Variants in ERGIC1 observed in about 807,000 individuals in gnomAD.
ERGIC1 encodes endoplasmic reticulum-Golgi intermediate compartment protein 1.
ERGIC1 carries 19 observed loss-of-function variants against 38.3 expected under a neutral mutation model. That is an observed-to-expected ratio of 0.50 (90% CI 0.35 to 0.73). ERGIC1 has a LOEUF of 0.73. Ranked by LOEUF, ERGIC1 falls within the 30% of genes least tolerant of loss-of-function variation. The pLI is 0.01. For synonymous variants in ERGIC1, 124 were observed against 157.6 expected, an observed-to-expected ratio of 0.79 and a Z score of 1.60; for missense variants, 294 against 389.2, an observed-to-expected ratio of 0.76 and a Z score of 2.06.
At chr5:172,939,510 G>A (rs1316060999) in intron 9 of ERGIC1, among the ~76,000 whole-genome samples, 2 of 152,246 alleles carry the variant, frequency 1.3e-5, no homozygotes, top group African/African-American at 2.4e-5. Context: ...GCTCCAAGAA[G>A]CCACGGGGAA....
intron 1 of ERGIC1, among the ~76,000 whole-genome samples, chr5:172,879,304 T>C (rs1346644135): frequency 2.0e-5 from 3 of 152,254 alleles, no homozygotes; most frequent in African/African-American, 7.2e-5. Flanking sequence ...GGGGTTGGGC[T>C]CTGCAGCCAT....
chr5:172,938,113 G>A (rs1440934524), intron 9 of ERGIC1: 1 of 152,210 alleles, frequency 6.6e-6, no homozygotes, highest in Non-Finnish European at 1.5e-5. Flanking sequence ...GCTACCCTGA[G>A]GGGAGATGCA....
rs144042194 is a variant in ERGIC1, at chr5:172,921,267, G to A, written c.376-2738G>A. Among the ~76,000 whole-genome samples, 496 of 152,122 alleles carry A rather than the reference G, an allele frequency of 3.3e-3. 4 individuals are homozygous for A. Among genetic ancestry groups the A allele is most frequent in the African/African-American group, 0.011 (477 of 41,492 alleles). On this transcript the variant is annotated intron_variant, in intron 5 of 9. Transcript: ENST00000393784. ...GCCAAGTGTAGAACTCAGAGCAACC[G>A]CTCTACTATGGGTTATTGGGTCCCT...
intron 9 of ERGIC1, among the ~76,000 whole-genome samples, chr5:172,939,144 A>G (rs1207947458): frequency 6.6e-6 from 1 of 152,212 alleles, no homozygotes; most frequent in African/African-American, 2.4e-5. Flanking sequence ...CATTTGCTAG[A>G]ATTCACTATG....
rs1761060774 is a variant in ERGIC1, at chr5:172,837,322, A to G, written c.20+2889A>G. Among the ~76,000 whole-genome samples, 1 of 152,224 alleles carries G rather than the reference A, an allele frequency of 6.6e-6. No individual in the cohort carries two copies. The highest frequency in any genetic ancestry group is 1.5e-5 in the Non-Finnish European group (1 of 68,034). On this transcript the variant is annotated intron_variant, in intron 1 of 9. Coordinates refer to ENST00000393784, the MANE Select transcript of ERGIC1 (RefSeq NM_001031711.3). This position sits in a 1 kb window ranked among gnomAD's most constrained non-coding sequence, Gnocchi z 4.3. ...AGTTGAGGGATGAGGCAGTGCGGAA[A>G]GCATTTAGACACAGAGTAAGCGCCT... is the stretch of plus-strand genomic sequence containing the variant.
intron 1 of ERGIC1, among the ~76,000 whole-genome samples, chr5:172,866,105 A>G (rs1761854582): frequency 6.6e-6 from 1 of 152,138 alleles, no homozygotes; most frequent in African/African-American, 2.4e-5. Context: ...CTTATTTGGT[A>G]TTGCCGAGTC....
chr5:172,900,184 T>G (rs924651175), intron 3 of ERGIC1, among the ~76,000 whole-genome samples: 5 of 151,926 alleles, frequency 3.3e-5, no homozygotes, highest in Non-Finnish European at 4.4e-5. Context: ...CTCGAGCAGG[T>G]GGGGCCCCAC....
At position 172,877,440 on chromosome 5, in the gene ERGIC1, GTA is replaced by G. The variant is rs1278756445; in HGVS notation, c.21-11241_21-11240del. ...TGTGTGTGTGTGTGTGTGTGTGTGT[GTA>G]TATATATATATATATATTTTTTTTT... On this transcript the variant is annotated intron_variant, in intron 1 of 9. Coordinates refer to ENST00000393784, the MANE Select transcript of ERGIC1 (RefSeq NM_001031711.3). Among the ~76,000 whole-genome samples, 165 of 67,374 alleles carry G rather than the reference GTA, an allele frequency of 2.4e-3. 3 individuals carry two copies. Among genetic ancestry groups the G allele is most frequent in the Middle Eastern group, 0.02 (2 of 102 alleles). The allele number at this position is 67,374 out of a possible 152,430, so 44.2% of individuals were successfully genotyped here. A position where few individuals can be genotyped will look rare whatever the true frequency, so the allele number is the denominator to read the frequency against.
rs1255330131 is a variant in ERGIC1 at position 172,951,860 on chromosome 5, G to A, written c.*1044G>A. On this transcript the variant is annotated 3_prime_UTR_variant, in exon 10 of 10. Transcript: ENST00000393784. The stretch of plus-strand genomic sequence containing the variant: ...GCAGGCCAGGCCTGTCCTGTCCGTG[G>A]ACCTCTACCTTCTGGACTCCCTACG... 6.6e-6 allele frequency: 1 copy of A among 152,300 alleles called. No homozygotes were observed. Among genetic ancestry groups the A allele is most frequent in the Non-Finnish European group, 1.5e-5 (1 of 68,108 alleles). The allele number at this position is 152,300 out of a possible 1,614,324, so 9.4% of individuals were successfully genotyped here.
At chr5:172,915,754 TC>T in intron 5 of ERGIC1, 1 of 408,958 alleles carries the variant, frequency 2.4e-6, no homozygotes, top group South Asian at 1.8e-5. Context: ...TATCTGCATG[TC>T]CCACAACTCC....
At chr5:172,949,108 A>G (rs1256973628) in intron 9 of ERGIC1, among the ~76,000 whole-genome samples, 2 of 152,206 alleles carry the variant, frequency 1.3e-5, no homozygotes, top group Non-Finnish European at 2.9e-5. Context: ...TCCATCATCC[A>G]TGCTTTGATT....
intron 1 of ERGIC1, among the ~76,000 whole-genome samples, chr5:172,850,159 G>T (rs1467731364): frequency 1.3e-5 from 2 of 152,166 alleles, no homozygotes; most frequent in African/African-American, 4.8e-5. Context: ...CACCTTTCGG[G>T]CCTGCCTGAC....
chr5:172,835,524 G>A (rs1048701864), intron 1 of ERGIC1, among the ~76,000 whole-genome samples: 8 of 152,190 alleles, frequency 5.3e-5, no homozygotes, highest in African/African-American at 1.7e-4. Flanking sequence ...GGGCATTAGT[G>A]GATGGGGGGT....
chr5:172,925,884 A>T lies in ERGIC1; in HGVS notation c.481-625A>T, dbSNP rs563775727. Among the ~76,000 whole-genome samples, 3 of 152,256 alleles carry T rather than the reference A, an allele frequency of 2.0e-5. No homozygotes were observed. In the South Asian group the frequency reaches 6.2e-4, roughly 32 times the overall value. ...ACCTGGTTTCCCATTGTCCTCAGAG[A>T]AAAGGTGAGATGTGGTTTTCAGCCC... On this transcript the variant is annotated intron_variant, in intron 6 of 9. Coordinates refer to ENST00000393784, the MANE Select transcript of ERGIC1 (RefSeq NM_001031711.3).
chr5:172,935,549 A>G, intron 9 of ERGIC1: 1 of 481,366 alleles, frequency 2.1e-6, no homozygotes, highest in East Asian at 3.2e-5. Flanking sequence ...AATGCCCTGA[A>G]ATCCATTTAA....
intron 6 of ERGIC1, 124 bp downstream of exon 6, chr5:172,924,233 C>A: frequency 1.1e-6 from 1 of 919,716 alleles, no homozygotes; most frequent in Non-Finnish European, 1.7e-6. Flanking sequence ...CTAAGCCAAG[C>A]CTGGAAGGGT....
At chr5:172,910,241 A>AT (rs1763171887) in intron 4 of ERGIC1, among the ~76,000 whole-genome samples, 1 of 152,176 alleles carries the variant, frequency 6.6e-6, no homozygotes, top group Non-Finnish European at 1.5e-5. Flanking sequence ...GTTATTATCC[A>AT]TGTCATTGGG....
intron 7 of ERGIC1, 105 bp from the exon 8 acceptor site, chr5:172,932,331 C>G: frequency 1.8e-6 from 2 of 1,100,130 alleles, no homozygotes; most frequent in Non-Finnish European, 1.3e-6. Context: ...GGGGAATGAG[C>G]CCCCTGCCGT....
At chr5:172,850,344 C>T (rs765631795) in intron 1 of ERGIC1, among the ~76,000 whole-genome samples, 8 of 129,306 alleles carry the variant, frequency 6.2e-5, no homozygotes, top group Non-Finnish European at 1.3e-4. Context: ...CACAGTGGAG[C>T]CACACAGGCA....
Sources: allele counts gnomAD v4.1 joint callset (sites outside exome capture counted in the v4.1 genomes callset), GRCh38; gene constraint gnomAD v4.1.1; non-coding constraint Gnocchi (gnomAD v3.1); transcripts MANE v1.5; gene names NCBI Gene and HGNC (gene_info 2026-07-23, HGNC 2026-07-21).